PPARGC1A: variants seen among roughly 807,000 people sequenced by gnomAD.
PPARGC1A encodes the protein PPARG coactivator 1 alpha.
Under a neutral mutation model 88.7 loss-of-function variants are expected in PPARGC1A, and 25 were observed. The observed-to-expected ratio is 0.28, with a 90% CI of 0.21 to 0.39. The LOEUF is 0.39. Ranked by LOEUF, PPARGC1A falls within the 10% of genes least tolerant of loss-of-function variation. The probability of loss-of-function intolerance (pLI) is 1.00; values close to 1 mark genes in which losing one functional copy is unlikely to be tolerated. For synonymous variants in PPARGC1A, 363 were observed against 355.6 expected, an observed-to-expected ratio of 1.02 and a Z score of -0.24; for missense variants, 880 against 968.7, an observed-to-expected ratio of 0.91 and a Z score of 1.22.
chr4:23,889,759 T>C, intron 1 of PPARGC1A, 145 bp downstream of exon 1: 4 of 958,614 alleles, frequency 4.2e-6, no homozygotes, highest in African/African-American at 3.3e-5. Flanking sequence ...GGAGTTAAGA[T>C]AAGATTGAGA....
chr4:23,916,386 G>A, the PPARGC1A span, among the ~76,000 whole-genome samples: 1 of 152,118 alleles, frequency 6.6e-6, no homozygotes, highest in Non-Finnish European at 1.5e-5. Flanking sequence ...AAAGGAGAAA[G>A]TAAAATCCCC....
chr4:24,365,386 G>C, the PPARGC1A span, among the ~76,000 whole-genome samples: 1 of 152,090 alleles, frequency 6.6e-6, no homozygotes, highest in Non-Finnish European at 1.5e-5. Flanking sequence ...TTGTATTTAA[G>C]AGGAAAATTC....
At chr4:24,137,507 C>T in the PPARGC1A span, among the ~76,000 whole-genome samples, 2 of 152,150 alleles carry the variant, frequency 1.3e-5, no homozygotes, top group African/African-American at 4.8e-5. Context: ...TCCACTCTCC[C>T]CAACCCCATT....
chr4:23,867,908 G>A (rs1452763631), intron 2 of PPARGC1A, among the ~76,000 whole-genome samples: 1 of 152,188 alleles, frequency 6.6e-6, no homozygotes, highest in Non-Finnish European at 1.5e-5. Flanking sequence ...GACAAAAACA[G>A]TTGCAAAAAT....
the PPARGC1A span, among the ~76,000 whole-genome samples, chr4:23,987,121 A>G: frequency 2.6e-5 from 4 of 152,034 alleles, no homozygotes; most frequent in African/African-American, 9.7e-5. Context: ...AAATTTCCTT[A>G]TAGTAGTCCA....
the PPARGC1A span, among the ~76,000 whole-genome samples, chr4:24,335,867 T>C: frequency 6.6e-6 from 1 of 152,274 alleles, no homozygotes; most frequent in East Asian, 1.9e-4. Context: ...CATTTATTTA[T>C]TGCCTAGTGC....
At chr4:24,172,693 T>A in the PPARGC1A span, among the ~76,000 whole-genome samples, 1 of 152,234 alleles carries the variant, frequency 6.6e-6, no homozygotes. Flanking sequence ...GGGTTTCGCC[T>A]TCACTGTCAG....
chr4:24,316,053 T>A, the PPARGC1A span, among the ~76,000 whole-genome samples: 1 of 152,236 alleles, frequency 6.6e-6, no homozygotes, highest in African/African-American at 2.4e-5. Context: ...CTTTTCATTC[T>A]GACCTTTGTG....
At chr4:24,306,899 C>G in the PPARGC1A span, among the ~76,000 whole-genome samples, 3 of 152,298 alleles carry the variant, frequency 2.0e-5, no homozygotes, top group South Asian at 2.1e-4. Context: ...ACATTTCAAA[C>G]AAAATGTTAC....
the PPARGC1A span, among the ~76,000 whole-genome samples, chr4:24,056,851 G>A: frequency 8.5e-5 from 13 of 152,182 alleles, no homozygotes; most frequent in African/African-American, 3.1e-4. Context: ...CACTATTGGT[G>A]GAGTGTAAAA....
At chr4:23,938,354 G>A in the PPARGC1A span, among the ~76,000 whole-genome samples, 1 of 152,090 alleles carries the variant, frequency 6.6e-6, no homozygotes, top group African/African-American at 2.4e-5. Flanking sequence ...ATCTTCTTCT[G>A]GTCCAACAAT....
chr4:23,906,154 G>A (rs1389557572), upstream of PPARGC1A, among the ~76,000 whole-genome samples: 1 of 152,042 alleles, frequency 6.6e-6, no homozygotes, highest in African/African-American at 2.4e-5. Flanking sequence ...AGTTAACTTG[G>A]GGTGTCTGAT....
the PPARGC1A span, among the ~76,000 whole-genome samples, chr4:23,978,822 A>C: frequency 2.6e-5 from 4 of 152,224 alleles, no homozygotes; most frequent in Admixed American, 6.5e-5. Context: ...AAGCTGCAGC[A>C]GGAACAAAAT....
chr4:24,325,197 T>G, the PPARGC1A span, among the ~76,000 whole-genome samples: 1 of 152,208 alleles, frequency 6.6e-6, no homozygotes, highest in Non-Finnish European at 1.5e-5. Context: ...TTTACAGCCC[T>G]AGACCCTAAA....
upstream of PPARGC1A, among the ~76,000 whole-genome samples, chr4:23,892,668 C>T (rs1441515199): frequency 1.3e-5 from 2 of 151,654 alleles, no homozygotes; most frequent in African/African-American, 4.8e-5. Flanking sequence ...ATTTCTCTTA[C>T]TCTCTACCCA....
the PPARGC1A span, among the ~76,000 whole-genome samples, chr4:24,025,344 A>C: frequency 6.6e-6 from 1 of 152,110 alleles, no homozygotes; most frequent in African/African-American, 2.4e-5. Context: ...ACTTGAATAC[A>C]CACCATCATC....
At chr4:24,352,396 A>G in the PPARGC1A span, among the ~76,000 whole-genome samples, 1 of 152,312 alleles carries the variant, frequency 6.6e-6, no homozygotes, top group African/African-American at 2.4e-5. Flanking sequence ...CCAGAAAAGA[A>G]GGTTCTAGAA....
chr4:24,401,011 T>C, the PPARGC1A span, among the ~76,000 whole-genome samples: 4 of 91,070 alleles, frequency 4.4e-5, no homozygotes, highest in Admixed American at 1.5e-4. Context: ...TATACCTGAA[T>C]TTTCTTTTTT....
chr4:23,994,684 A>G, the PPARGC1A span, among the ~76,000 whole-genome samples: 1 of 152,154 alleles, frequency 6.6e-6, no homozygotes, highest in Non-Finnish European at 1.5e-5. Context: ...TACAAGAGGC[A>G]AGAGCATGCA....
Sources: allele counts gnomAD v4.1 joint callset (sites outside exome capture counted in the v4.1 genomes callset), GRCh38; gene constraint gnomAD v4.1.1; transcripts MANE v1.5; gene names NCBI Gene and HGNC (gene_info 2026-07-23, HGNC 2026-07-21).